Variants in JAKMIP1 observed in about 807,000 individuals in gnomAD.
The protein encoded by JAKMIP1 is janus kinase and microtubule interacting protein 1.
JAKMIP1 carries 33 observed loss-of-function variants against 113.0 expected under a neutral mutation model. The ratio of observed to expected loss-of-function variants is 0.29; its 90% CI spans 0.22 to 0.39. The LOEUF is 0.39. Among genes scored for constraint, JAKMIP1 ranks in the 10% least tolerant of loss-of-function variants. JAKMIP1 has a pLI of 1.00. For synonymous variants in JAKMIP1, 480 were observed against 459.9 expected, an observed-to-expected ratio of 1.04 and a Z score of -0.56; for missense variants, 813 against 1,080.5, an observed-to-expected ratio of 0.75 and a Z score of 3.47.
At chr4:6,072,445 T>C (rs1719099364) in intron 8 of JAKMIP1, among the ~76,000 whole-genome samples, 1 of 152,168 alleles carries the variant, frequency 6.6e-6, no homozygotes, top group African/African-American at 2.4e-5. Context: ...CAGAGCTGCA[T>C]GAAATGAGTC....
chr4:6,191,451 G>A (rs1290505797), intron 1 of JAKMIP1, among the ~76,000 whole-genome samples: 1 of 152,252 alleles, frequency 6.6e-6, no homozygotes, highest in Non-Finnish European at 1.5e-5. Flanking sequence ...TGTGGGCAAA[G>A]ACCTTGCCAC....
chr4:6,057,147 C>T (rs1171702913), intron 11 of JAKMIP1, among the ~76,000 whole-genome samples: 6 of 152,304 alleles, frequency 3.9e-5, no homozygotes, highest in East Asian at 3.9e-4. Context: ...TCTCTGCCTG[C>T]GATGCCCTTC....
intron 8 of JAKMIP1, among the ~76,000 whole-genome samples, chr4:6,074,115 C>T (rs1719356362): frequency 2.6e-5 from 4 of 152,268 alleles, no homozygotes; most frequent in Admixed American, 2.6e-4. Context: ...CAGCACCAAT[C>T]TTGTCCCTGG....
chr4:6,076,673 C>G lies in JAKMIP1; in HGVS notation c.1302+2266G>C, dbSNP rs1231457499. On this transcript the variant is annotated intron_variant, in intron 8 of 20. Coordinates refer to ENST00000409021, the MANE Select transcript of JAKMIP1 (RefSeq NM_001099433.2). This position sits in a 1 kb window ranked among gnomAD's most constrained non-coding sequence, Gnocchi z 4.8. ...ATTTTACAGGCTGAGTGTCCTTTATCTGAAATACTTGGAACCAGAAGGAAT... is the reference window on the plus strand; with the variant it reads ...ATTTTACAGGCTGAGTGTCCTTTATGTGAAATACTTGGAACCAGAAGGAAT... Among the ~76,000 whole-genome samples the G allele has an allele frequency of 6.6e-6, 1 of 152,132 alleles. No homozygotes were observed.
intron 11 of JAKMIP1, 35 bp downstream of exon 11, chr4:6,060,389 C>T (rs967094427): frequency 1.4e-5 from 21 of 1,519,502 alleles, no homozygotes; most frequent in Admixed American, 1.2e-4. Flanking sequence ...GACAGAAAGG[C>T]TAAGATTCAC....
rs1717756155 is a variant in JAKMIP1, at chr4:6,126,913, CCACA to C, written c.-147-13920_-147-13917del. 2.0e-5 allele frequency among the ~76,000 whole-genome samples: 3 copies of C among 151,656 alleles called. No homozygotes were observed. The South Asian group carries it at 6.2e-4, about 32-fold the overall frequency. ...TACACACACACACCACAGATACACACCACACACAAATATACACATCATACACAAA... is the reference window on the plus strand; with the variant it reads ...TACACACACACACCACAGATACACACCACAAATATACACATCATACACAAA... On this transcript the variant is annotated intron_variant, in intron 1 of 20. Coordinates refer to ENST00000409021, the MANE Select transcript of JAKMIP1 (RefSeq NM_001099433.2).
rs1289141972 is a variant in JAKMIP1 at position 6,097,793 on chromosome 4, C to T, written c.624+7680G>A. ...CATTCCATGGGAAAAGCCAGGCCCA[C>T]GCTTCCTTAGGCAGCTTGGAGAAAC... is the stretch of plus-strand genomic sequence containing the variant. On this transcript the variant is annotated intron_variant, in intron 3 of 20. Transcript: ENST00000409021. This position sits in a 1 kb window ranked among gnomAD's most constrained non-coding sequence, Gnocchi z 4.3. Among the ~76,000 whole-genome samples, 12 of 152,188 alleles carry T rather than the reference C, an allele frequency of 7.9e-5. No homozygotes were observed. The highest frequency in any genetic ancestry group is 9.7e-5 in the African/African-American group (4 of 41,436).
At chr4:6,152,805 TATATAC>T (rs1322674888) in intron 1 of JAKMIP1, among the ~76,000 whole-genome samples, 1 of 121,076 alleles carries the variant, frequency 8.3e-6, no homozygotes, top group Admixed American at 8.6e-5. Flanking sequence ...TATATATATA[TATATAC>T]ATATATATAT....
In JAKMIP1 at chr4:6,098,621, GAAAA is replaced by G. The variant is rs1371115322; in HGVS notation, c.624+6848_624+6851del. Among the ~76,000 whole-genome samples the G allele has an allele frequency of 4.7e-4, 60 of 128,946 alleles. 1 individual carries two copies. The highest frequency in any genetic ancestry group is 1.8e-3 in the African/African-American group (58 of 32,982). 84.6% of individuals were successfully genotyped at this position (128,946 alleles called of 152,430 possible). On this transcript the variant is annotated intron_variant, in intron 3 of 20. Coordinates refer to ENST00000409021, the MANE Select transcript of JAKMIP1 (RefSeq NM_001099433.2). ...AAGAAAGGAAGAAAAGAAAGAAAAA[GAAAA>G]AGAAAGAAAGAAAAGAAAGAAAGGA...
Position 6,155,012 on chromosome 4 carries a change from G to T in JAKMIP1, c.-147-42015C>A, listed in dbSNP as rs1191326493. On this transcript the variant is annotated intron_variant, in intron 1 of 20. Coordinates refer to ENST00000409021, the MANE Select transcript of JAKMIP1 (RefSeq NM_001099433.2). This position sits in a 1 kb window ranked among gnomAD's most constrained non-coding sequence, Gnocchi z 6.1. ...CAGAGGCTTCCTTCCTTGTCCTGTG[G>T]ATAAAGGAATTTAAAGCTCATTCCC... 6.6e-6 allele frequency among the ~76,000 whole-genome samples: 1 copy of T among 152,176 alleles called. No homozygotes were observed. The highest frequency in any genetic ancestry group is 1.5e-5 in the Non-Finnish European group (1 of 68,028).
rs1175979453 is a variant in JAKMIP1, at chr4:6,069,132, C to G, written c.1303-4124G>C. 6.6e-6 allele frequency among the ~76,000 whole-genome samples: 1 copy of G among 152,104 alleles called. No homozygotes were observed. Among genetic ancestry groups the G allele is most frequent in the Admixed American group, 6.5e-5 (1 of 15,280 alleles). ...TTTTGCACTGCATTTTCAAAAAATGCAGGAAATAATTCACCACCTGCTTCT... is the reference window on the plus strand; with the variant it reads ...TTTTGCACTGCATTTTCAAAAAATGGAGGAAATAATTCACCACCTGCTTCT... On this transcript the variant is annotated intron_variant, in intron 8 of 20. Transcript: ENST00000409021. The surrounding 1 kb of genome is among the most constrained non-coding windows in gnomAD (Gnocchi z 4.5).
At chr4:6,128,289 C>G (rs1216507758) in intron 1 of JAKMIP1, among the ~76,000 whole-genome samples, 1 of 152,226 alleles carries the variant, frequency 6.6e-6, no homozygotes, top group Non-Finnish European at 1.5e-5. Context: ...ATCCAGGCTC[C>G]TGGACTATCA....
intron 13 of JAKMIP1, among the ~76,000 whole-genome samples, chr4:6,053,437 A>G (rs1474314935): frequency 6.6e-6 from 1 of 152,194 alleles, no homozygotes; most frequent in Non-Finnish European, 1.5e-5. Flanking sequence ...TGGATAAAAG[A>G]GTTTGAACAA....
In JAKMIP1 at chr4:6,155,887, C is replaced by T. The variant is rs1722177129; in HGVS notation, c.-147-42890G>A. Among the ~76,000 whole-genome samples the T allele has an allele frequency of 6.6e-6, 1 of 152,122 alleles. No individual in the cohort carries two copies. Among genetic ancestry groups the T allele is most frequent in the Non-Finnish European group, 1.5e-5 (1 of 68,018 alleles). On this transcript the variant is annotated intron_variant, in intron 1 of 20. Transcript: ENST00000409021. The surrounding 1 kb of genome is among the most constrained non-coding windows in gnomAD (Gnocchi z 6.1). ...GGCACTCTCTAGAGGTGGGGCCTGG[C>T]AATCTTAAGTTTGCACATACATTTT...
chr4:6,048,987 C>CA, intron 15 of JAKMIP1, 65 bp from the exon 16 acceptor site: 1 of 1,238,636 alleles, frequency 8.1e-7, no homozygotes, highest in Non-Finnish European at 1.2e-6. Context: ...AGACAGTCAG[C>CA]ACCAAGCAAG....
At chr4:6,090,121 C>A (rs1276044079) in intron 3 of JAKMIP1, among the ~76,000 whole-genome samples, 3 of 151,962 alleles carry the variant, frequency 2.0e-5, no homozygotes, top group Non-Finnish European at 2.9e-5. Context: ...ATTAGGGAGG[C>A]TGAGGCAGGA....
chr4:6,115,732 G>T (rs1178522718), intron 1 of JAKMIP1, among the ~76,000 whole-genome samples: 1 of 152,156 alleles, frequency 6.6e-6, no homozygotes, highest in Non-Finnish European at 1.5e-5. Context: ...TTTAAGAAAG[G>T]CAAGAAAAAT....
At position 6,049,768 on chromosome 4, in the gene JAKMIP1, A is replaced by G; in HGVS notation, c.1962+51T>C. On this transcript the variant is annotated intron_variant, in intron 15 of 20. Transcript: ENST00000409021. The surrounding 1 kb of genome is among the most constrained non-coding windows in gnomAD (Gnocchi z 7.0). ...ACAAAACAAAAGTCACACAGAATAC[A>G]CCCAGATCAAAACAAGAACACGAAA... 7.5e-7 allele frequency: 1 copy of G among 1,326,582 alleles called. No individual in the cohort carries two copies. 82.2% of individuals were successfully genotyped at this position (1,326,582 alleles called of 1,614,324 possible). A position where few individuals can be genotyped will look rare whatever the true frequency, so the allele number is the denominator to read the frequency against.
At chr4:6,170,246 C>T (rs1299798031) in intron 1 of JAKMIP1, among the ~76,000 whole-genome samples, 1 of 135,050 alleles carries the variant, frequency 7.4e-6, no homozygotes. Context: ...CACCACCACT[C>T]CCCCCACCCT....
Sources: allele counts gnomAD v4.1 joint callset (sites outside exome capture counted in the v4.1 genomes callset), GRCh38; gene constraint gnomAD v4.1.1; non-coding constraint Gnocchi (gnomAD v3.1); transcripts MANE v1.5; gene names NCBI Gene and HGNC (gene_info 2026-07-23, HGNC 2026-07-21).